Variants in HOMER2 observed in about 807,000 individuals in gnomAD.
HOMER2 encodes homer protein homolog 2.
Under a neutral mutation model 47.0 loss-of-function variants are expected in HOMER2, and 27 were observed. The ratio of observed to expected loss-of-function variants is 0.57; its 90% CI spans 0.42 to 0.79. HOMER2 has a LOEUF of 0.79. Ranked by LOEUF, HOMER2 falls within the 30% of genes least tolerant of loss-of-function variation. The pLI is 0.00. For synonymous variants in HOMER2, 161 were observed against 163.8 expected, an observed-to-expected ratio of 0.98 and a Z score of 0.13; for missense variants, 443 against 435.0, an observed-to-expected ratio of 1.02 and a Z score of -0.16.
At chr15:82,945,789 T>G (rs2151227796) in intron 1 of HOMER2, among the ~76,000 whole-genome samples, 1 of 151,768 alleles carries the variant, frequency 6.6e-6, no homozygotes, top group East Asian at 1.9e-4. Context: ...GCTAACAAGG[T>G]GAAATCCCAT....
intron 1 of HOMER2, among the ~76,000 whole-genome samples, chr15:82,940,905 A>C (rs922875879): frequency 1.3e-5 from 2 of 152,112 alleles, no homozygotes; most frequent in Non-Finnish European, 2.9e-5. Context: ...CAAAAAAAAA[A>C]AAATCTAACT....
In HOMER2 at chr15:82,947,500, T is replaced by C. The variant is rs1190041187; in HGVS notation, c.5+5031A>G. On this transcript the variant is annotated intron_variant, in intron 1 of 8. Transcript: ENST00000450735. Reference sequence around the variant, plus strand: ...AAACACTGACAAAATCAGCTAAAAGTCACAACAGTAGACAAGCTGGCTTTT... The same window carrying C: ...AAACACTGACAAAATCAGCTAAAAGCCACAACAGTAGACAAGCTGGCTTTT... Among the ~76,000 whole-genome samples the C allele has an allele frequency of 3.3e-5, 5 of 152,290 alleles. No homozygotes were observed. In the East Asian group the frequency reaches 9.6e-4, roughly 29 times the overall value.
chr15:82,977,112 A>G (rs1221843773), intron 1 of HOMER2, among the ~76,000 whole-genome samples: 1 of 152,208 alleles, frequency 6.6e-6, no homozygotes, highest in Non-Finnish European at 1.5e-5. Flanking sequence ...CAAATATTAC[A>G]TAAATGATCT....
At chr15:82,846,724 CTG>C (rs1596296580), downstream of HOMER2, 1 of 152,260 alleles carries the variant, frequency 6.6e-6, no homozygotes, top group African/African-American at 2.4e-5. Context: ...AGAGATGAAA[CTG>C]AGGGGCCACA....
intron 1 of HOMER2, among the ~76,000 whole-genome samples, chr15:82,940,761 C>T (rs2054248385): frequency 6.6e-6 from 1 of 151,888 alleles, no homozygotes; most frequent in African/African-American, 2.4e-5. Flanking sequence ...TGTATGGTGG[C>T]ATGTGCCTGC....
intron 1 of HOMER2, among the ~76,000 whole-genome samples, chr15:82,908,399 G>T (rs929612879): frequency 6.6e-6 from 1 of 152,144 alleles, no homozygotes; most frequent in Non-Finnish European, 1.5e-5. Context: ...TTATACTAAA[G>T]TTCCAGGTGA....
At chr15:82,847,326 G>A (rs1444015928), downstream of HOMER2, 1 of 152,258 alleles carries the variant, frequency 6.6e-6, no homozygotes, top group Non-Finnish European at 1.5e-5. Flanking sequence ...CAGTGCTTTT[G>A]TAAAAGCTGT....
chr15:82,848,482 C>A (rs2051287274), downstream of HOMER2, among the ~76,000 whole-genome samples: 1 of 152,202 alleles, frequency 6.6e-6, no homozygotes, highest in South Asian at 2.1e-4. Context: ...CCCCACTGAG[C>A]AGCTCTGTGA....
At chr15:82,854,976 GC>G (rs1351456504) in intron 5 of HOMER2, among the ~76,000 whole-genome samples, 176 bp from the exon 6 acceptor site, 4 of 152,188 alleles carry the variant, frequency 2.6e-5, no homozygotes, top group Non-Finnish European at 5.9e-5. Context: ...GGAGGGACTG[GC>G]CCCTCTCTCT....
intron 1 of HOMER2, among the ~76,000 whole-genome samples, chr15:82,943,401 G>A (rs900675932): frequency 6.6e-6 from 1 of 152,170 alleles, no homozygotes; most frequent in Non-Finnish European, 1.5e-5. Flanking sequence ...AGGAGTTAGA[G>A]AGCTCTTCCT....
intron 2 of HOMER2, among the ~76,000 whole-genome samples, chr15:82,882,822 G>A (rs184457529): frequency 6.6e-6 from 1 of 150,756 alleles, no homozygotes; most frequent in East Asian, 1.9e-4. Context: ...TTACACAGAA[G>A]CTGAATCTGA....
At position 82,931,284 on chromosome 15, in the gene HOMER2, C is replaced by T. The variant is rs538953682; in HGVS notation, c.5+21247G>A. Among the ~76,000 whole-genome samples the T allele has an allele frequency of 3.2e-4, 48 of 152,290 alleles. 1 individual carries two copies. Among genetic ancestry groups the T allele is most frequent in the African/African-American group, 1.2e-3 (48 of 41,572 alleles). On this transcript the variant is annotated intron_variant, in intron 1 of 8. Transcript: ENST00000450735. ...GCTCTGCCCTTGAGAGACAGGCCCC[C>T]TGGGGCCACAGTGTGACCAGCCTGG...
chr15:82,901,368 G>T (rs948803302), intron 1 of HOMER2, among the ~76,000 whole-genome samples: 3 of 152,162 alleles, frequency 2.0e-5, no homozygotes, highest in Non-Finnish European at 4.4e-5. Flanking sequence ...CGGCGGCAGG[G>T]ATGAGTGAAG....
intron 8 of HOMER2, among the ~76,000 whole-genome samples, chr15:82,850,814 C>T (rs535824337): frequency 1.3e-5 from 2 of 152,324 alleles, no homozygotes; most frequent in East Asian, 3.9e-4. Flanking sequence ...AGGGGAGTGG[C>T]TGAAGTGGCC....
Position 82,952,566 on chromosome 15 carries a change from G to T in HOMER2, c.-31C>A, listed in dbSNP as rs1596381991. 1.7e-6 allele frequency: 2 copies of T among 1,168,138 alleles called. No individual in the cohort carries two copies. The highest frequency in any genetic ancestry group is 4.2e-5 in the South Asian group (1 of 23,808). The allele number at this position is 1,168,138 out of a possible 1,614,324, so 72.4% of individuals were successfully genotyped here. On this transcript the variant is annotated 5_prime_UTR_variant, in exon 1 of 9. Transcript: ENST00000450735. Reference sequence around the variant, plus strand: ...GCGCTGCTCCGGCGGCCGCTCCGACGGGGCCTCTCGCGCTCGCTCTCCGCC... The same window carrying T: ...GCGCTGCTCCGGCGGCCGCTCCGACTGGGCCTCTCGCGCTCGCTCTCCGCC...
intron 1 of HOMER2, among the ~76,000 whole-genome samples, chr15:82,930,024 C>A (rs115272878): frequency 1.3e-5 from 2 of 152,102 alleles, no homozygotes; most frequent in South Asian, 2.1e-4. Context: ...CCACCACGCC[C>A]GGCCTAACAC....
At chr15:82,952,254 C>G (rs1209678760) in intron 1 of HOMER2, among the ~76,000 whole-genome samples, 1 of 152,230 alleles carries the variant, frequency 6.6e-6, no homozygotes, top group Non-Finnish European at 1.5e-5. Context: ...GCCAGGGCAC[C>G]GGTCCCCGTC....
rs542191403 is a variant in HOMER2, at chr15:82,927,444, G to A, written c.5+25087C>T. Among the ~76,000 whole-genome samples, 404 of 152,230 alleles carry A rather than the reference G, an allele frequency of 2.7e-3. 3 individuals carry two copies. The highest frequency in any genetic ancestry group is 3.9e-3 in the Non-Finnish European group (266 of 68,018). ...TAATTACTCACCTCTTACCTAGGAC[G>A]GAGGAGCTTGAAACTCCCAATTTCT... On this transcript the variant is annotated intron_variant, in intron 1 of 8. Coordinates refer to ENST00000450735, the MANE Select transcript of HOMER2 (RefSeq NM_004839.4).
rs1248595890 is a variant in HOMER2, at chr15:82,892,671, T to C, written c.162+14A>G. 4 of 1,506,822 alleles carry C rather than the reference T, an allele frequency of 2.7e-6. No homozygotes were observed. The highest frequency in any genetic ancestry group is 3.6e-6 in the Non-Finnish European group (4 of 1,111,754). 93.3% of individuals were successfully genotyped at this position (1,506,822 alleles called of 1,614,324 possible). On this transcript the variant is annotated intron_variant, in intron 2 of 8. Coordinates refer to ENST00000450735, the MANE Select transcript of HOMER2 (RefSeq NM_004839.4). The stretch of plus-strand genomic sequence containing the variant: ...AGCAACTGGGAGTATTAAAATCAGC[T>C]GAGGGGGTGGTACCTTGGCTCCGTC...
Sources: gnomAD v4.1 joint callset for allele counts (sites outside exome capture counted in the v4.1 genomes callset) on GRCh38, gnomAD v4.1.1 for gene constraint, MANE v1.5 for transcripts, NCBI Gene and HGNC (gene_info 2026-07-23, HGNC 2026-07-21) for gene names.